Variants in PER3 observed in about 807,000 individuals in gnomAD.
The protein encoded by PER3 is period circadian protein homolog 3.
A neutral mutation model predicts 127.2 loss-of-function variants in PER3; 107 were observed. That is an observed-to-expected ratio of 0.84 (90% CI 0.72 to 0.99). The LOEUF is 0.99. Ranked by LOEUF, PER3 falls within the 50% of genes least tolerant of loss-of-function variation. The probability of loss-of-function intolerance (pLI) is 0.00; values close to 1 mark genes in which losing one functional copy is unlikely to be tolerated. For missense variants in PER3, 1,560 were observed against 1,525.8 expected, an observed-to-expected ratio of 1.02 and a Z score of -0.37; for synonymous variants, 618 against 585.8, an observed-to-expected ratio of 1.05 and a Z score of -0.79.
intron 20 of PER3, 47 bp from the exon 21 acceptor site, chr1:7,836,952 C>A: frequency 6.7e-7 from 1 of 1,500,158 alleles, no homozygotes; most frequent in Non-Finnish European, 9.1e-7. Flanking sequence ...GGAAAAGAAC[C>A]CTGTGTCTTA....
At position 7,843,713 on chromosome 1, in the gene PER3, C is replaced by G. The variant is rs2097400918; in HGVS notation, c.*958C>G. ...TGACTGGCACTGCCTTTTGTTTGCC[C>G]TTGAACAGGGCAGTGTTGTGGGGAC... On this transcript the variant is annotated 3_prime_UTR_variant, in exon 22 of 22. Transcript: ENST00000377532. 3 of 165,368 alleles carry G rather than the reference C, an allele frequency of 1.8e-5. No individual in the cohort carries two copies. The highest frequency in any genetic ancestry group is 2.6e-5 in the Non-Finnish European group (2 of 77,208). The allele number at this position is 165,368 out of a possible 1,614,324, so 10.2% of individuals were successfully genotyped here. A position where few individuals can be genotyped will look rare whatever the true frequency, so the allele number is the denominator to read the frequency against.
chr1:7,802,925 G>A (rs1256397373), intron 8 of PER3, 122 bp from the exon 9 acceptor site: 1 of 699,190 alleles, frequency 1.4e-6, no homozygotes, highest in Non-Finnish European at 2.6e-6. Context: ...TTTTATAAAT[G>A]CTAAGATAAA....
chr1:7,801,397 T>G (rs2097170126), intron 8 of PER3, among the ~76,000 whole-genome samples: 3 of 152,228 alleles, frequency 2.0e-5, no homozygotes, highest in Non-Finnish European at 4.4e-5. Flanking sequence ...AAGTTGTATT[T>G]GATTTCTAAA....
rs199865743 is a variant in PER3, at chr1:7,785,585, A to C, written c.273A>C (p.Gln91His). The change falls in exon 3 of 22, where the codon CAA (glutamine) becomes CAC (histidine). Residue 91 changes from glutamine to histidine, a missense_variant and splice_region_variant. Gln to His is a conservative substitution (Grantham distance 24, BLOSUM62 0). This residue lies in a region of PER3 where 1,332 missense variants were observed against 1,223.6 expected (regional missense o/e 1.09). Transcript: ENST00000377532. ...CTCTCCGCTGTGTCCACAGCGTTCA[A>C]GGTAAACAAGCCGGAGAGAAATTTC... ...NYALRCVHSVQANSEFFQILS... is the reference protein window; with the variant it reads ...NYALRCVHSVHANSEFFQILS... 6.2e-6 allele frequency: 10 copies of C among 1,609,198 alleles called. No homozygotes were observed. Among genetic ancestry groups the C allele is most frequent in the Non-Finnish European group, 8.5e-6 (10 of 1,177,630 alleles).
rs201954278 is a variant in PER3, at chr1:7,827,512, T to C, written c.2583T>C (p.Pro861=). Residue 861 remains proline (P), a synonymous_variant, in exon 18 of 22, where the codon CCT becomes CCC. Coordinates refer to ENST00000377532, the MANE Select transcript of PER3 (RefSeq NM_001377275.1). ...ATACTTTTATGACCGTTTTCCTGCC[T>C]GACCCCCCTGTCTGTCCTCTGTTGT... is the stretch of plus-strand genomic sequence containing the variant. ...YLDTFMTVFL[P]DPPVCPLLSP... is the part of the protein sequence containing the mutation. The C allele has an allele frequency of 1.2e-6, 2 of 1,614,228 alleles. No homozygotes were observed. The highest frequency in any genetic ancestry group is 1.7e-6 in the Non-Finnish European group (2 of 1,180,040).
intron 20 of PER3, among the ~76,000 whole-genome samples, chr1:7,836,508 A>ATTC (rs2097359369): frequency 6.6e-6 from 1 of 152,196 alleles, no homozygotes; most frequent in Admixed American, 6.5e-5. Flanking sequence ...TTTAAAGACA[A>ATTC]AATAATTATT....
intron 21 of PER3, among the ~76,000 whole-genome samples, chr1:7,838,207 T>TAA (rs1302871759): frequency 6.6e-6 from 1 of 152,176 alleles, no homozygotes; most frequent in African/African-American, 2.4e-5. Flanking sequence ...TGTGGTATAA[T>TAA]ACACATAACA....
chr1:7,818,486 TAAG>T (rs1194783505), intron 13 of PER3, among the ~76,000 whole-genome samples: 1 of 152,166 alleles, frequency 6.6e-6, no homozygotes, highest in Non-Finnish European at 1.5e-5. Context: ...ACTCCTTCCT[TAAG>T]AAAGTTTTCA....
intron 4 of PER3, 142 bp downstream of exon 4, chr1:7,786,978 G>A (rs2097094497): frequency 4.8e-6 from 3 of 621,374 alleles, no homozygotes; most frequent in African/African-American, 1.8e-5. Flanking sequence ...AAAGAGGCAT[G>A]GTGTAGCTTC....
rs377260542 is a variant in PER3 at position 7,785,541 on chromosome 1, C to A, written c.229C>A (p.Leu77Ile). 3.1e-6 allele frequency: 5 copies of A among 1,613,480 alleles called. No individual in the cohort carries two copies. The South Asian group carries it at 3.3e-5, about 11-fold the overall frequency. Residue 77 changes from leucine to isoleucine, a missense_variant, in exon 3 of 22, where the codon CTA becomes ATA. Leu to Ile is a conservative substitution (Grantham distance 5). Transcript: ENST00000377532. ...GGAGAGACGCAATAAACCAAGCACT[C>A]TAGATGCCCTCAACTATGCTCTCCG... Reference protein sequence around the residue: ...PSERRNKPSTLDALNYALRCV... With the variant: ...PSERRNKPSTIDALNYALRCV...
At chr1:7,787,252 T>C in intron 4 of PER3, 1 of 868,104 alleles carries the variant, frequency 1.2e-6, no homozygotes, top group South Asian at 3.7e-5. Flanking sequence ...AACAGGTGAG[T>C]TGAGATGCTG....
At position 7,803,858 on chromosome 1, in the gene PER3, TCAGTTTTCATATTTTCTAAAA is replaced by T. The variant is rs2097181274; in HGVS notation, c.1136+13_1136+33del. 1.2e-6 allele frequency: 2 copies of T among 1,606,348 alleles called. No homozygotes were observed. The highest frequency in any genetic ancestry group is 1.7e-6 in the Non-Finnish European group (2 of 1,175,194). On this transcript the variant is annotated intron_variant, in intron 10 of 21. Coordinates refer to ENST00000377532, the MANE Select transcript of PER3 (RefSeq NM_001377275.1). ...GGCATAAAGTTCGAACGTAAGCCAGTCAGTTTTCATATTTTCTAAAACATCTCTTGTATCAAATAATATTCC... is the reference window on the plus strand; with the variant it reads ...GGCATAAAGTTCGAACGTAAGCCAGTCATCTCTTGTATCAAATAATATTCC...
chr1:7,840,703 C>T (rs1369414497), intron 21 of PER3, among the ~76,000 whole-genome samples: 1 of 152,064 alleles, frequency 6.6e-6, no homozygotes, highest in Admixed American at 6.6e-5. Flanking sequence ...TCACTGCAGC[C>T]TCTACCTCCT....
intron 10 of PER3, among the ~76,000 whole-genome samples, chr1:7,806,058 G>A (rs974442095): frequency 6.6e-6 from 1 of 152,112 alleles, no homozygotes; most frequent in African/African-American, 2.4e-5. Flanking sequence ...AGAATGTAAT[G>A]GTAATCAAAA....
rs776382938 is a variant in PER3 at position 7,786,792 on chromosome 1, G to T, written c.346G>T (p.Glu116Ter). 6.2e-7 allele frequency: 1 copy of T among 1,611,874 alleles called. No individual in the cohort carries two copies. Among genetic ancestry groups the T allele is most frequent in the Non-Finnish European group, 8.5e-7 (1 of 1,177,948 alleles). The change falls in exon 4 of 22, where the codon GAG becomes TAG. Residue 116 changes from glutamate to a stop codon, truncating the protein, a stop_gained. Transcript: ENST00000377532. LOFTEE classifies it high-confidence loss of function. Reference sequence around the variant, plus strand: ...GGCAGATGTGAGCATGTACAGTCTTGAGGAGCTGGCCACTATCGCTTCAGA... The same window carrying T: ...GGCAGATGTGAGCATGTACAGTCTTTAGGAGCTGGCCACTATCGCTTCAGA... ...PQADVSMYSL[E>*]ELATIASEHT...
chr1:7,813,505 A>C (rs921487891), intron 13 of PER3, among the ~76,000 whole-genome samples: 2 of 152,230 alleles, frequency 1.3e-5, no homozygotes, highest in Non-Finnish European at 2.9e-5. Context: ...AGCCTGAGTC[A>C]AGTAACTTGC....
At chr1:7,791,417 G>A (rs1382264199) in intron 5 of PER3, among the ~76,000 whole-genome samples, 2 of 152,210 alleles carry the variant, frequency 1.3e-5, no homozygotes, top group Non-Finnish European at 2.9e-5. Flanking sequence ...GGAATGGAGG[G>A]CATCATGTCC....
chr1:7,807,563 G>C (rs560951201), intron 10 of PER3, among the ~76,000 whole-genome samples: 1 of 152,142 alleles, frequency 6.6e-6, no homozygotes, highest in Non-Finnish European at 1.5e-5. Context: ...AGACGTAGGC[G>C]GATTCAAATC....
intron 18 of PER3, among the ~76,000 whole-genome samples, chr1:7,828,769 G>A (rs576589779): frequency 6.6e-6 from 1 of 152,260 alleles, no homozygotes; most frequent in South Asian, 2.1e-4. Context: ...ATGGAAAGAT[G>A]AATCCCTCAT....
Sources: gnomAD v4.1 joint callset for allele counts (sites outside exome capture counted in the v4.1 genomes callset) on GRCh38, gnomAD v4.1.1 for gene constraint, gnomAD v4.1.1 regional missense constraint, MANE v1.5 for transcripts, NCBI Gene and HGNC (gene_info 2026-07-23, HGNC 2026-07-21) for gene names.